Variants in PPP2R2B observed in about 807,000 individuals in gnomAD.
The protein encoded by PPP2R2B is serine/threonine-protein phosphatase 2A 55 kDa regulatory subunit B beta isoform.
PPP2R2B carries 5 observed loss-of-function variants against 46.0 expected under a neutral mutation model. The observed-to-expected ratio is 0.11, with a 90% confidence interval of 0.06 to 0.23. PPP2R2B has a LOEUF of 0.23. Among genes scored for constraint, PPP2R2B ranks in the 10% least tolerant of loss-of-function variants. The probability of loss-of-function intolerance (pLI) is 1.00; values close to 1 mark genes in which losing one functional copy is unlikely to be tolerated. For missense variants in PPP2R2B, 367 were observed against 575.0 expected (o/e 0.64, Z 3.70); for synonymous variants, 215 against 206.7 (o/e 1.04, Z -0.34).
chr5:146,992,169 C>T (rs959662195), intron 1 of PPP2R2B, among the ~76,000 whole-genome samples: 1 of 152,106 alleles, frequency 6.6e-6, no homozygotes, highest in African/African-American at 2.4e-5. Context: ...GCATAAAACA[C>T]ACATACAGAC....
intron 1 of PPP2R2B, among the ~76,000 whole-genome samples, chr5:146,905,139 C>A (rs571861961): frequency 6.6e-6 from 1 of 152,154 alleles, no homozygotes; most frequent in Non-Finnish European, 1.5e-5. Flanking sequence ...CCAAGACTAA[C>A]TATGTCAAGT....
chr5:146,754,986 T>C (rs1184295492), intron 2 of PPP2R2B, among the ~76,000 whole-genome samples: 2 of 152,198 alleles, frequency 1.3e-5, no homozygotes, highest in Non-Finnish European at 2.9e-5. Context: ...GTGTGAGAGA[T>C]AGTAAATATT....
intron 1 of PPP2R2B, among the ~76,000 whole-genome samples, chr5:146,887,013 C>G (rs983785790): frequency 6.6e-6 from 1 of 151,662 alleles, no homozygotes; most frequent in African/African-American, 2.4e-5. Context: ...AAATATAATG[C>G]AAACCACATT....
chr5:146,678,314 C>A (rs1481894093), intron 5 of PPP2R2B, among the ~76,000 whole-genome samples: 1 of 150,260 alleles, frequency 6.7e-6, no homozygotes, highest in Non-Finnish European at 1.5e-5. Flanking sequence ...TCAATAGATG[C>A]AGAAAAAGCC....
At chr5:147,027,081 A>G (rs1417413424) in intron 1 of PPP2R2B, among the ~76,000 whole-genome samples, 2 of 152,236 alleles carry the variant, frequency 1.3e-5, no homozygotes, top group Non-Finnish European at 2.9e-5. Context: ...ATATTCACAC[A>G]ATAGAATACT....
chr5:146,732,172 G>A (rs1752273009), intron 2 of PPP2R2B, among the ~76,000 whole-genome samples: 1 of 152,052 alleles, frequency 6.6e-6, no homozygotes, highest in African/African-American at 2.4e-5. Context: ...TCTAACTTAC[G>A]GTGAAAGGTC....
intron 2 of PPP2R2B, among the ~76,000 whole-genome samples, chr5:146,796,278 T>A (rs186128120): frequency 1.3e-5 from 2 of 152,256 alleles, no homozygotes; most frequent in East Asian, 3.9e-4. Context: ...TGTATACATA[T>A]CTGTTCCTCG....
At chr5:146,894,140 C>A (rs1017742900) in intron 1 of PPP2R2B, among the ~76,000 whole-genome samples, 1 of 152,190 alleles carries the variant, frequency 6.6e-6, no homozygotes, top group Non-Finnish European at 1.5e-5. Flanking sequence ...TGGCTGTGTT[C>A]CTGCGGTAGC....
intron 2 of PPP2R2B, among the ~76,000 whole-genome samples, chr5:146,807,052 C>A (rs1757220615): frequency 6.6e-6 from 1 of 152,140 alleles, no homozygotes; most frequent in Admixed American, 6.5e-5. Context: ...AGACTAGGAG[C>A]CTTTGGGAGA....
intron 1 of PPP2R2B, chr5:146,919,838 T>C (rs1451642737): frequency 6.6e-6 from 1 of 152,240 alleles, no homozygotes; most frequent in Non-Finnish European, 1.5e-5. Flanking sequence ...GTTTCAATTT[T>C]GTGACTTGTA....
At chr5:146,874,126 G>A (rs1761767790) in intron 2 of PPP2R2B, among the ~76,000 whole-genome samples, 1 of 152,158 alleles carries the variant, frequency 6.6e-6, no homozygotes, top group African/African-American at 2.4e-5. Flanking sequence ...ATGACCCCAA[G>A]GCATCTTGTG....
chr5:146,927,382 C>A (rs1382316699), intron 1 of PPP2R2B, among the ~76,000 whole-genome samples: 2 of 152,118 alleles, frequency 1.3e-5, no homozygotes. Flanking sequence ...GCTAGTGGCT[C>A]TAGAGCAATA....
chr5:146,648,648 T>A (rs1162013421), intron 6 of PPP2R2B, among the ~76,000 whole-genome samples: 2 of 152,130 alleles, frequency 1.3e-5, no homozygotes, highest in Non-Finnish European at 2.9e-5. Flanking sequence ...TTTCAAATCA[T>A]GGTAAGTACC....
At chr5:146,838,644 A>G (rs764449008) in intron 2 of PPP2R2B, among the ~76,000 whole-genome samples, 1 of 152,100 alleles carries the variant, frequency 6.6e-6, no homozygotes, top group Non-Finnish European at 1.5e-5. Flanking sequence ...GAAGGAAAGC[A>G]TACAAAAAGA....
chr5:146,593,038 G>A lies in PPP2R2B; in HGVS notation c.985C>T (p.Leu329=), dbSNP rs1770815835. 2 of 1,613,670 alleles carry A rather than the reference G, an allele frequency of 1.2e-6. No homozygotes were observed. The highest frequency in any genetic ancestry group is 1.3e-5 in the African/African-American group (1 of 74,932). ...CAGTCATTTTCATAGAGGGAACACA[G>A]CTTGCTGCGGAGGTAGTCATGAACC... The part of the protein sequence containing the change: ...YQVHDYLRSK[L]CSLYENDCIF... The change falls in exon 9 of 10, where the codon CTG becomes TTG. Residue 329 remains leucine, a synonymous_variant. Coordinates refer to ENST00000394411, the MANE Select transcript of PPP2R2B (RefSeq NM_181675.4).
intron 2 of PPP2R2B, among the ~76,000 whole-genome samples, chr5:146,719,239 A>T (rs1359242027): frequency 1.3e-5 from 2 of 152,158 alleles, no homozygotes; most frequent in African/African-American, 4.8e-5. Context: ...CAAAATGGAG[A>T]TGATGATATT....
intron 2 of PPP2R2B, among the ~76,000 whole-genome samples, chr5:146,774,843 A>G (rs1286185781): frequency 1.3e-5 from 2 of 151,804 alleles, no homozygotes; most frequent in Non-Finnish European, 2.9e-5. Flanking sequence ...GAAAAGAGAG[A>G]GAATATTATG....
rs190609299 is a variant in PPP2R2B, at chr5:146,585,654, A to T, written c.*4293T>A. ...GTTGACAACTTGAGTCTATTTTCTC[A>T]TTTGCAAAATGGAAATACTAATGCC... On this transcript the variant is annotated 3_prime_UTR_variant, in exon 10 of 10. Coordinates refer to ENST00000394411, the MANE Select transcript of PPP2R2B (RefSeq NM_181675.4). The T allele has an allele frequency of 3.9e-5, 6 of 152,262 alleles. No individual in the cohort carries two copies. Among genetic ancestry groups the T allele is most frequent in the Admixed American group, 3.3e-4 (5 of 15,304 alleles). 9.4% of individuals were successfully genotyped at this position (152,262 alleles called of 1,614,324 possible).
chr5:146,907,620 C>T (rs2436401), intron 1 of PPP2R2B, among the ~76,000 whole-genome samples: 69,968 of 152,118 alleles, frequency 0.46, 17,289 homozygotes, highest in East Asian at 0.66. Context: ...CACACTGTGC[C>T]TCACACTGTT....
Sources: gnomAD v4.1 joint callset for allele counts (sites outside exome capture counted in the v4.1 genomes callset) on GRCh38, gnomAD v4.1.1 for gene constraint, MANE v1.5 for transcripts, NCBI Gene and HGNC (gene_info 2026-07-23, HGNC 2026-07-21) for gene names.